The following SLCO4C1 variants were observed in gnomAD, a reference collection of about 807,000 sequenced individuals.
The protein encoded by SLCO4C1 is organic anion transporter M1.
In SLCO4C1, 58 loss-of-function variants were observed where a neutral mutation model predicts 72.1. The ratio of observed to expected loss-of-function variants is 0.80; its 90% CI spans 0.65 to 1.00. SLCO4C1 has a LOEUF of 1.00. Among genes scored for constraint, SLCO4C1 ranks in the 50% least tolerant of loss-of-function variants. SLCO4C1 has a pLI of 0.00. For synonymous variants in SLCO4C1, 297 were observed against 312.5 expected (o/e 0.95, Z 0.52); for missense variants, 898 against 857.9 (o/e 1.05, Z -0.58).
At chr5:102,250,395 A>T (rs1748715843) in intron 8 of SLCO4C1, among the ~76,000 whole-genome samples, 1 of 152,162 alleles carries the variant, frequency 6.6e-6, no homozygotes, top group African/African-American at 2.4e-5. Flanking sequence ...AAAGGGTTAC[A>T]CTAATCAAAA....
chr5:102,258,184 A>AG, intron 6 of SLCO4C1, 97 bp from the exon 7 acceptor site: 2 of 985,052 alleles, frequency 2.0e-6, no homozygotes, highest in Non-Finnish European at 2.8e-6. Flanking sequence ...AAAATTTTAC[A>AG]ATCATCTGTA....
intron 6 of SLCO4C1, 98 bp from the exon 7 acceptor site, chr5:102,258,185 A>T (rs1748874153): frequency 2.0e-6 from 2 of 979,806 alleles, no homozygotes; most frequent in African/African-American, 3.4e-5. Flanking sequence ...AAATTTTACA[A>T]TCATCTGTAA....
intron 9 of SLCO4C1, among the ~76,000 whole-genome samples, chr5:102,249,289 C>T (rs1404700677): frequency 3.9e-5 from 6 of 151,924 alleles, no homozygotes; most frequent in Non-Finnish European, 5.9e-5. Flanking sequence ...TCAAGGCCAT[C>T]GGCAGGACTT....
chr5:102,283,039 G>A, intron 2 of SLCO4C1, among the ~76,000 whole-genome samples: 1 of 151,558 alleles, frequency 6.6e-6, no homozygotes, highest in East Asian at 1.9e-4. Context: ...ATTCTAAGTG[G>A]ACCCAATTAA....
chr5:102,262,044 GA>G lies in SLCO4C1; in HGVS notation c.900-12del. 1 of 1,592,084 alleles carries G rather than the reference GA, an allele frequency of 6.3e-7. No individual in the cohort carries two copies. Among genetic ancestry groups the G allele is most frequent in the Non-Finnish European group, 8.5e-7 (1 of 1,171,420 alleles). ...TCAGTGACATCAGTGCTATATGATA[GA>G]AAAACAAGAGGTAAAAGTCAACTCT... On this transcript the variant is annotated splice_polypyrimidine_tract_variant and intron_variant, in intron 4 of 12. Coordinates refer to ENST00000310954, the MANE Select transcript of SLCO4C1 (RefSeq NM_180991.5).
chr5:102,279,905 A>G (rs1003658495), intron 2 of SLCO4C1, among the ~76,000 whole-genome samples: 1 of 152,026 alleles, frequency 6.6e-6, no homozygotes, highest in Non-Finnish European at 1.5e-5. Context: ...ATTCCTGATA[A>G]AAATTCTCAG....
intron 7 of SLCO4C1, 47 bp downstream of exon 7, chr5:102,257,896 A>G: frequency 6.5e-7 from 1 of 1,530,690 alleles, no homozygotes; most frequent in Non-Finnish European, 8.8e-7. Context: ...TAAAAATTTA[A>G]TATAGTAAAG....
intron 10 of SLCO4C1, 136 bp downstream of exon 10, chr5:102,247,114 CCA>C (rs971383367): frequency 5.8e-6 from 3 of 519,708 alleles, no homozygotes; most frequent in Non-Finnish European, 9.4e-6. Flanking sequence ...TTGTCCAATG[CCA>C]CAGAACTAAT....
In SLCO4C1 at chr5:102,261,978, G is replaced by A. The variant is rs1235843232; in HGVS notation, c.955C>T (p.Leu319Phe). ...GACCAAGCAAAGATCCATGATAGAA[G>A]AAACCCAATCCACCAAGCTCCCAAC... Reference protein sequence around the residue: ...RWLGAWWIGFLLSWIFAWSLI... With the variant: ...RWLGAWWIGFFLSWIFAWSLI... Residue 319 changes from leucine (L) to phenylalanine (F), a missense_variant, in exon 5 of 13, where the codon CTT (leucine) becomes TTT (phenylalanine). By Grantham distance (22) the Leu-to-Phe change is conservative. Transcript: ENST00000310954. 2 of 1,612,910 alleles carry A rather than the reference G, an allele frequency of 1.2e-6. No individual in the cohort carries two copies. Among genetic ancestry groups the A allele is most frequent in the Non-Finnish European group, 1.7e-6 (2 of 1,179,334 alleles).
At chr5:102,260,677 T>C (rs559075804) in intron 5 of SLCO4C1, among the ~76,000 whole-genome samples, 1 of 152,164 alleles carries the variant, frequency 6.6e-6, no homozygotes, top group African/African-American at 2.4e-5. Flanking sequence ...TCTCTTAACA[T>C]TTTTTTCTTC....
intron 10 of SLCO4C1, among the ~76,000 whole-genome samples, chr5:102,245,809 A>G (rs143539931): frequency 3.9e-4 from 60 of 152,312 alleles, no homozygotes; most frequent in African/African-American, 1.3e-3. Context: ...ACAAGTCTTA[A>G]AACATTCAAA....
intron 3 of SLCO4C1, among the ~76,000 whole-genome samples, chr5:102,266,305 C>A (rs929629981): frequency 3.9e-5 from 6 of 152,062 alleles, no homozygotes; most frequent in African/African-American, 1.4e-4. Flanking sequence ...CTTTCTCTTG[C>A]CTAAGTGCTC....
chr5:102,248,779 A>G (rs556569979), intron 9 of SLCO4C1, among the ~76,000 whole-genome samples: 1 of 152,238 alleles, frequency 6.6e-6, no homozygotes, highest in East Asian at 1.9e-4. Context: ...TTATCTACCA[A>G]TGCATACTAT....
intron 1 of SLCO4C1, among the ~76,000 whole-genome samples, chr5:102,294,930 T>C (rs1273050573): frequency 6.6e-6 from 1 of 152,252 alleles, no homozygotes; most frequent in Non-Finnish European, 1.5e-5. Context: ...CAATTAATCC[T>C]TGACTGATTA....
chr5:102,270,787 C>T lies in SLCO4C1; in HGVS notation c.639G>A (p.Arg213=). ...TTGAAGATGTACAACTGGTGCTATTCCTTGTTGTTACACAAGTGTCTTTGT... is the reference window on the plus strand; with the variant it reads ...TTGAAGATGTACAACTGGTGCTATTTCTTGTTGTTACACAAGTGTCTTTGT... The part of the protein sequence containing the change: ...SLFEDTCVTT[R]NSTSCTSSTS... The change falls in exon 3 of 13, where the codon AGG becomes AGA. Residue 213 remains arginine (R), a synonymous_variant. Coordinates refer to ENST00000310954, the MANE Select transcript of SLCO4C1 (RefSeq NM_180991.5). The T allele has an allele frequency of 6.3e-7, 1 of 1,590,472 alleles. No homozygotes were observed. Among genetic ancestry groups the T allele is most frequent in the Non-Finnish European group, 8.5e-7 (1 of 1,171,096 alleles).
chr5:102,295,969 G>A lies in SLCO4C1; in HGVS notation c.294C>T (p.Leu98=). 1.9e-6 allele frequency: 3 copies of A among 1,614,274 alleles called. No homozygotes were observed. Among genetic ancestry groups the A allele is most frequent in the Non-Finnish European group, 2.5e-6 (3 of 1,180,052 alleles). ...YGWRNFHPQC[L]QRCNTPGGFL... ...AGCCTCCAGGTGTGTTGCAGCGCTG[G>A]AGACATTGAGGATGGAAGTTCCTCC... The change falls in exon 1 of 13, where the codon CTC becomes CTT. Residue 98 remains leucine, a synonymous_variant. Transcript: ENST00000310954.
intron 1 of SLCO4C1, among the ~76,000 whole-genome samples, chr5:102,293,958 G>C (rs1360753850): frequency 2.0e-5 from 3 of 152,144 alleles, no homozygotes; most frequent in Non-Finnish European, 4.4e-5. Flanking sequence ...GCCTAGGCCG[G>C]AGTGCAATGA....
rs1314204930 is a variant in SLCO4C1 at position 102,240,740 on chromosome 5, T to C, written c.1854A>G (p.Gln618=). Residue 618 remains glutamine (Q), a synonymous_variant, in exon 11 of 13, where the codon CAA becomes CAG. Transcript: ENST00000310954. ...TACCTAATAATCGAAGGACCATAAA[T>C]TGTATTCCCAAGGCTAGGGACCGTT... ...HRQRSLALGI[Q]FMVLRLLGTI... is the part of the protein sequence containing the mutation. The C allele has an allele frequency of 1.2e-6, 2 of 1,611,960 alleles. No homozygotes were observed. Among genetic ancestry groups the C allele is most frequent in the East Asian group, 2.2e-5 (1 of 44,724 alleles).
chr5:102,250,051 C>T (rs1309356222), intron 8 of SLCO4C1, among the ~76,000 whole-genome samples: 3 of 152,200 alleles, frequency 2.0e-5, no homozygotes, highest in Non-Finnish European at 4.4e-5. Context: ...AGTTTCCCAT[C>T]TGGCACCAGG....
Sources: allele counts gnomAD v4.1 joint callset (sites outside exome capture counted in the v4.1 genomes callset), GRCh38; gene constraint gnomAD v4.1.1; transcripts MANE v1.5; gene names NCBI Gene and HGNC (gene_info 2026-07-23, HGNC 2026-07-21).